The following ZNF853 variants were observed in gnomAD, a reference collection of about 807,000 sequenced individuals.
ZNF853 encodes the protein zinc finger protein 853.
ZNF853 carries 57 observed loss-of-function variants against 94.7 expected under a neutral mutation model. That is an observed-to-expected ratio of 0.60 (90% CI 0.49 to 0.75). The LOEUF (loss-of-function observed/expected upper bound fraction) is 0.75, where lower values mean the gene tolerates loss of function less well. ZNF853 is among the 30% of genes least tolerant of loss of function. ZNF853 has a pLI of 0.00. For synonymous variants in ZNF853, 448 were observed against 406.3 expected, an observed-to-expected ratio of 1.10 and a Z score of -1.23; for missense variants, 785 against 868.9, an observed-to-expected ratio of 0.90 and a Z score of 1.21.
At chr7:6,619,465 T>G in intron 2 of ZNF853, among the ~76,000 whole-genome samples, 1 of 151,876 alleles carries the variant, frequency 6.6e-6, no homozygotes, top group African/African-American at 2.4e-5. Flanking sequence ...AGAGATAGGA[T>G]TTCGTCATGT....
Position 6,622,610 on chromosome 7 carries a change from C to G in ZNF853, c.1619C>G (p.Pro540Arg). 6.3e-7 allele frequency: 1 copy of G among 1,581,372 alleles called. No homozygotes were observed. The highest frequency in any genetic ancestry group is 8.6e-7 in the Non-Finnish European group (1 of 1,164,690). Reference protein sequence around the residue: ...THQRIHTGEKPYACSYCAKRF... With the variant: ...THQRIHTGEKRYACSYCAKRF... ...CAACGCATCCACACGGGCGAGAAAC[C>G]CTACGCCTGCTCCTACTGCGCCAAG... Residue 540 changes from proline (P) to arginine (R), a missense_variant, in exon 3 of 3, where the codon CCC becomes CGC. Physicochemically the swap from Pro to Arg is moderately radical, Grantham distance 103. Coordinates refer to ENST00000457543, the MANE Select transcript of ZNF853 (RefSeq NM_017560.3).
intron 2 of ZNF853, among the ~76,000 whole-genome samples, chr7:6,619,887 C>T: frequency 6.6e-6 from 1 of 151,448 alleles, no homozygotes; most frequent in African/African-American, 2.4e-5. Context: ...CAAAGTGTTG[C>T]GATTACAAGC....
rs1782596041 is a variant in ZNF853 at position 6,621,313 on chromosome 7, C to T, written c.322C>T (p.Gln108Ter). Residue 108 changes from glutamine to a stop codon, truncating the protein, a stop_gained, in exon 3 of 3, where the codon CAG becomes TAG. Coordinates refer to ENST00000457543, the MANE Select transcript of ZNF853 (RefSeq NM_017560.3). LOFTEE classifies it high-confidence loss of function. ...GCCGCAGCAACAGCCGCAACACGAG[C>T]AGCTGCAACAGCCGCAGCCACACCT... ...PEPQQQPQHE[Q>*]LQQPQPHLEL... is the part of the protein sequence containing the mutation. The T allele has an allele frequency of 1.9e-6, 3 of 1,551,364 alleles. No individual in the cohort carries two copies. Among genetic ancestry groups the T allele is most frequent in the Non-Finnish European group, 2.6e-6 (3 of 1,146,740 alleles).
At chr7:6,620,786 G>C in intron 2 of ZNF853, among the ~76,000 whole-genome samples, 2 of 152,060 alleles carry the variant, frequency 1.3e-5, no homozygotes, top group Non-Finnish European at 2.9e-5. Flanking sequence ...CTAATTTTTT[G>C]TATTTTTAGT....
At chr7:6,616,607 C>T in intron 1 of ZNF853, among the ~76,000 whole-genome samples, 20 of 152,126 alleles carry the variant, frequency 1.3e-4, no homozygotes, top group African/African-American at 4.8e-4. Flanking sequence ...TGATGGCACG[C>T]ACCTGTAGCC....
rs564124701 is a variant in ZNF853 at position 6,622,653 on chromosome 7, G to A, written c.1662G>A (p.Ser554=). 5 of 1,577,496 alleles carry A rather than the reference G, an allele frequency of 3.2e-6. No individual in the cohort carries two copies. Among genetic ancestry groups the A allele is most frequent in the Non-Finnish European group, 4.3e-6 (5 of 1,163,034 alleles). Residue 554 remains serine, a synonymous_variant, in exon 3 of 3, where the codon TCG becomes TCA. Transcript: ENST00000457543. ...SYCAKRFSES[S]ALVQHQRTHT... is the part of the protein sequence containing the mutation. ...GCGCCAAGCGCTTCAGCGAGAGCTC[G>A]GCGCTCGTGCAGCACCAGCGCACGC...
In ZNF853 at chr7:6,622,776, G is replaced by C. The variant is rs1218172037; in HGVS notation, c.1785G>C (p.Arg595=). 9 of 1,542,240 alleles carry C rather than the reference G, an allele frequency of 5.8e-6. No homozygotes were observed. The highest frequency in any genetic ancestry group is 7.8e-6 in the Non-Finnish European group (9 of 1,147,514). Residue 595 remains arginine (R), a synonymous_variant, in exon 3 of 3, where the codon CGG becomes CGC. Transcript: ENST00000457543. ...LRHRRTHSGE[R]PYVCEDCGER... is the part of the protein sequence containing the mutation. The stretch of plus-strand genomic sequence containing the variant: ...ACCGGCGCACGCACTCGGGCGAGCG[G>C]CCCTACGTGTGCGAGGACTGTGGCG...
In ZNF853 at chr7:6,621,425, A is replaced by C. The variant is rs1340581768; in HGVS notation, c.434A>C (p.Glu145Ala). The part of the protein sequence containing the change: ...QEKHQSVHHQ[E>A]LKPELQLMHQ... ...AAACACCAATCCGTGCACCATCAGG[A>C]ACTGAAACCAGAACTGCAGCTAATG... Residue 145 changes from glutamate (E) to alanine (A), a missense_variant, in exon 3 of 3, where the codon GAA (glutamate) becomes GCA (alanine). Transcript: ENST00000457543. 5.2e-6 allele frequency: 8 copies of C among 1,551,772 alleles called. No individual in the cohort carries two copies. The highest frequency in any genetic ancestry group is 4.9e-5 in the East Asian group (2 of 40,926).
At chr7:6,617,016 G>A in intron 1 of ZNF853, among the ~76,000 whole-genome samples, 174 bp from the exon 2 acceptor site, 1 of 152,164 alleles carries the variant, frequency 6.6e-6, no homozygotes, top group South Asian at 2.1e-4. Context: ...CCTCCAGGCC[G>A]CCGGCACTCC....
intron 1 of ZNF853, 90 bp downstream of exon 1, chr7:6,616,276 G>A: frequency 7.4e-7 from 1 of 1,350,892 alleles, no homozygotes; most frequent in East Asian, 2.6e-5. Flanking sequence ...GCCTGTTTAG[G>A]GGAGAGGGGC....
In ZNF853 at chr7:6,621,794, AACAGCAGCAGGCACAGTT is replaced by A; in HGVS notation, c.814_831del (p.Ala272_Gln277del). 1 of 1,550,580 alleles carries A rather than the reference AACAGCAGCAGGCACAGTT, an allele frequency of 6.4e-7. No homozygotes were observed. Among genetic ancestry groups the A allele is most frequent in the Non-Finnish European group, 8.7e-7 (1 of 1,146,908 alleles). ...GCACAGTTACAACAGCAGCTGCTGG[AACAGCAGCAGGCACAGTT>A]ACAGCAGCAGCTACTGCTGCAGCAG... On this transcript the variant is annotated inframe_deletion, in exon 3 of 3. Transcript: ENST00000457543.
chr7:6,622,823 A>G lies in ZNF853; in HGVS notation c.1832A>G (p.Gln611Arg). 6.6e-7 allele frequency: 1 copy of G among 1,524,746 alleles called. No homozygotes were observed. Among genetic ancestry groups the G allele is most frequent in the Non-Finnish European group, 8.8e-7 (1 of 1,139,920 alleles). 94.5% of individuals were successfully genotyped at this position (1,524,746 alleles called of 1,614,324 possible). The change falls in exon 3 of 3, where the codon CAG becomes CGG. Residue 611 changes from glutamine (Q) to arginine (R), a missense_variant. Coordinates refer to ENST00000457543, the MANE Select transcript of ZNF853 (RefSeq NM_017560.3). ...GGCGAGCGCTTCCGACACAAGGTGC[A>G]GATCCGCCGCCACGAGCGCCAGCTG... ...DCGERFRHKV[Q>R]IRRHERQLHG...
chr7:6,617,080 C>A lies in ZNF853; in HGVS notation c.13-110C>A. On this transcript the variant is annotated intron_variant, in intron 1 of 2. Coordinates refer to ENST00000457543, the MANE Select transcript of ZNF853 (RefSeq NM_017560.3). The stretch of plus-strand genomic sequence containing the variant: ...TAGTTGCAGCAGGTATGGAGCTGAC[C>A]GCTCTGGGTGGCCCGAGGCAGAGGT... 3.0e-5 allele frequency: 23 copies of A among 759,964 alleles called. No homozygotes were observed. The South Asian group carries it at 4.0e-4, about 13-fold the overall frequency. 47.1% of individuals were successfully genotyped at this position (759,964 alleles called of 1,614,324 possible).
rs141384395 is a variant in ZNF853 at position 6,624,255 on chromosome 7, C to T, written c.*1284C>T. 6.6e-6 allele frequency: 1 copy of T among 152,156 alleles called. No homozygotes were observed. Among genetic ancestry groups the T allele is most frequent in the Non-Finnish European group, 1.5e-5 (1 of 68,024 alleles). The allele number at this position is 152,156 out of a possible 1,614,324, so 9.4% of individuals were successfully genotyped here. ...TACACATGTGTTGGTAAGTGAGAAA[C>T]AGAAACGAAAAATAAATTAAAATGC... On this transcript the variant is annotated 3_prime_UTR_variant, in exon 3 of 3. Transcript: ENST00000457543.
chr7:6,619,184 T>C, intron 2 of ZNF853, among the ~76,000 whole-genome samples: 2 of 151,432 alleles, frequency 1.3e-5, no homozygotes, highest in Non-Finnish European at 1.5e-5. Context: ...GGACTATAGG[T>C]GCCTGCCACC....
intron 2 of ZNF853, among the ~76,000 whole-genome samples, chr7:6,618,918 C>G: frequency 6.6e-6 from 1 of 152,108 alleles, no homozygotes; most frequent in South Asian, 2.1e-4. Context: ...GTGCTTCCCC[C>G]CAGCCAATGT....
chr7:6,621,078 C>T, intron 2 of ZNF853, 44 bp from the exon 3 acceptor site: 1 of 1,459,696 alleles, frequency 6.9e-7, no homozygotes, highest in East Asian at 2.5e-5. Context: ...CAGAGAGCTT[C>T]CTGTAGATCT....
rs1472112616 is a variant in ZNF853, at chr7:6,624,126, C to T, written c.*1155C>T. 2.0e-5 allele frequency: 3 copies of T among 152,242 alleles called. No homozygotes were observed. Among genetic ancestry groups the T allele is most frequent in the African/African-American group, 7.2e-5 (3 of 41,456 alleles). The allele number at this position is 152,242 out of a possible 1,614,324, so 9.4% of individuals were successfully genotyped here. A position where few individuals can be genotyped will look rare whatever the true frequency, so the allele number is the denominator to read the frequency against. Reference sequence around the variant, plus strand: ...GGGAGGAGGCTGCCCGCCACCTCTGCCCCCAGTCACTTCCTGCTTGACCTG... The same window carrying T: ...GGGAGGAGGCTGCCCGCCACCTCTGTCCCCAGTCACTTCCTGCTTGACCTG... On this transcript the variant is annotated 3_prime_UTR_variant, in exon 3 of 3. Transcript: ENST00000457543.
intron 1 of ZNF853, 63 bp downstream of exon 1, chr7:6,616,249 C>T: frequency 6.6e-7 from 1 of 1,506,318 alleles, no homozygotes; most frequent in Middle Eastern, 1.7e-4. Flanking sequence ...AGAGTTTGGA[C>T]TGGATGGCAC....
Sources: gnomAD v4.1 joint callset for allele counts (sites outside exome capture counted in the v4.1 genomes callset) on GRCh38, gnomAD v4.1.1 for gene constraint, MANE v1.5 for transcripts, NCBI Gene and HGNC (gene_info 2026-07-23, HGNC 2026-07-21) for gene names.